PDE4D: variants seen among roughly 807,000 people sequenced by gnomAD.
PDE4D encodes 3',5'-cyclic-AMP phosphodiesterase 4D.
Under a neutral mutation model 87.4 loss-of-function variants are expected in PDE4D, and 24 were observed. That is an observed-to-expected ratio of 0.27 (90% CI 0.20 to 0.39). The LOEUF is 0.39. Among genes scored for constraint, PDE4D ranks in the 10% least tolerant of loss-of-function variants. The probability of loss-of-function intolerance (pLI) is 1.00; values close to 1 mark genes in which losing one functional copy is unlikely to be tolerated. For missense variants in PDE4D, 714 were observed against 1,041.0 expected, an observed-to-expected ratio of 0.69 and a Z score of 4.32; for synonymous variants, 384 against 383.2, an observed-to-expected ratio of 1.00 and a Z score of -0.02.
intron 1 of PDE4D, among the ~76,000 whole-genome samples, chr5:60,401,419 G>A (rs1741072643): frequency 6.6e-6 from 1 of 152,196 alleles, no homozygotes; most frequent in Non-Finnish European, 1.5e-5. Flanking sequence ...TCTTTCTTCA[G>A]TCTACTCAAT....
intron 1 of PDE4D, among the ~76,000 whole-genome samples, chr5:60,473,523 A>T (rs531346419): frequency 6.6e-5 from 10 of 152,318 alleles, no homozygotes; most frequent in African/African-American, 2.2e-4. Context: ...ACAATTGGTA[A>T]ATTCAGATGA....
rs1020153691 is a variant in PDE4D at position 58,998,822 on chromosome 5, T to C, written c.922-5357A>G. Among the ~76,000 whole-genome samples the C allele has an allele frequency of 3.7e-4, 56 of 152,150 alleles. 1 individual carries two copies. Among genetic ancestry groups the C allele is most frequent in the Admixed American group, 3.6e-3 (55 of 15,272 alleles). On this transcript the variant is annotated intron_variant, in intron 6 of 14. Coordinates refer to ENST00000340635, the MANE Select transcript of PDE4D (RefSeq NM_001104631.2). Reference sequence around the variant, plus strand: ...ATAAGGTTTTTCTACCTCCTTCTATTGTGGAGACAGGATCACAATGCTAAT... The same window carrying C: ...ATAAGGTTTTTCTACCTCCTTCTATCGTGGAGACAGGATCACAATGCTAAT...
chr5:59,629,152 G>A (rs936554335), intron 1 of PDE4D, among the ~76,000 whole-genome samples: 11 of 152,102 alleles, frequency 7.2e-5, no homozygotes, highest in African/African-American at 2.7e-4. Flanking sequence ...TTTTGGTGGG[G>A]ACACAGCCAA....
intron 3 of PDE4D, among the ~76,000 whole-genome samples, chr5:59,956,909 A>C (rs764629549): frequency 1.3e-5 from 2 of 152,202 alleles, no homozygotes; most frequent in Non-Finnish European, 2.9e-5. Context: ...ATTGCATTAT[A>C]AAAGTCAATT....
chr5:59,967,523 G>C (rs1760179749), intron 3 of PDE4D, among the ~76,000 whole-genome samples: 1 of 152,112 alleles, frequency 6.6e-6, no homozygotes, highest in Non-Finnish European at 1.5e-5. Flanking sequence ...CTAATCATCA[G>C]AGAAATGCAA....
intron 6 of PDE4D, among the ~76,000 whole-genome samples, chr5:59,016,953 C>T (rs1202933492): frequency 6.6e-5 from 10 of 152,148 alleles, no homozygotes; most frequent in Non-Finnish European, 1.5e-5. Context: ...AGGGTAACAT[C>T]GTACATTGAT....
At chr5:59,461,019 A>G (rs1409519756) in intron 1 of PDE4D, among the ~76,000 whole-genome samples, 1 of 152,120 alleles carries the variant, frequency 6.6e-6, no homozygotes, top group Non-Finnish European at 1.5e-5. Context: ...GGCAGGATGG[A>G]GAGGATGTTA....
intron 1 of PDE4D, among the ~76,000 whole-genome samples, chr5:60,264,925 G>T (rs555795901): frequency 2.5e-4 from 38 of 152,294 alleles, no homozygotes; most frequent in African/African-American, 9.1e-4. Context: ...TATTTATCAA[G>T]TGCCAGGGAA....
At chr5:59,113,177 C>CA (rs1352313373) in intron 5 of PDE4D, among the ~76,000 whole-genome samples, 1 of 152,092 alleles carries the variant, frequency 6.6e-6, no homozygotes, top group Non-Finnish European at 1.5e-5. Context: ...CCCAGTGATA[C>CA]AACAGATACA....
intron 1 of PDE4D, among the ~76,000 whole-genome samples, chr5:59,612,245 G>GTTTT (rs1829107445): frequency 6.7e-6 from 1 of 149,298 alleles, no homozygotes; most frequent in African/African-American, 2.5e-5. Flanking sequence ...TTTTTTGTTT[G>GTTTT]TTTGTTTGTT....
At chr5:59,638,227 T>A (rs1020039737) in intron 1 of PDE4D, among the ~76,000 whole-genome samples, 13 of 152,080 alleles carry the variant, frequency 8.5e-5, no homozygotes, top group African/African-American at 3.1e-4. Flanking sequence ...TGGGTTATCA[T>A]AAAGCAAAAA....
chr5:59,545,742 C>T (rs577476844), intron 1 of PDE4D, among the ~76,000 whole-genome samples: 1 of 152,116 alleles, frequency 6.6e-6, no homozygotes, highest in East Asian at 1.9e-4. Context: ...TAGTTTGCCC[C>T]TACTGTAAAA....
At chr5:60,374,087 T>C (rs979892772) in intron 1 of PDE4D, among the ~76,000 whole-genome samples, 3 of 152,186 alleles carry the variant, frequency 2.0e-5, no homozygotes, top group African/African-American at 7.2e-5. Context: ...CTCAACACTG[T>C]CACCAAGCCT....
At chr5:60,263,892 G>GA (rs1480715636) in intron 1 of PDE4D, among the ~76,000 whole-genome samples, 1 of 149,542 alleles carries the variant, frequency 6.7e-6, no homozygotes, top group Non-Finnish European at 1.5e-5. Flanking sequence ...CACTACATGT[G>GA]AAAAAATAAT....
chr5:60,494,623 G>A (rs1274263418), intron 1 of PDE4D, among the ~76,000 whole-genome samples: 1 of 152,158 alleles, frequency 6.6e-6, no homozygotes, highest in Non-Finnish European at 1.5e-5. Context: ...CCCACAAAGG[G>A]GCCTAACCTC....
At chr5:60,443,738 C>T (rs1029167977) in intron 1 of PDE4D, among the ~76,000 whole-genome samples, 1 of 152,168 alleles carries the variant, frequency 6.6e-6, no homozygotes, top group African/African-American at 2.4e-5. Context: ...AGTGATGCTA[C>T]TTTCTCCAGC....
intron 1 of PDE4D, among the ~76,000 whole-genome samples, chr5:59,311,594 G>A (rs1772663100): frequency 6.7e-6 from 1 of 150,134 alleles, no homozygotes; most frequent in African/African-American, 2.5e-5. Flanking sequence ...GTTCTGTCTT[G>A]CAGATAGATA....
chr5:59,984,446 C>A (rs1040847507), intron 3 of PDE4D, among the ~76,000 whole-genome samples: 1 of 152,166 alleles, frequency 6.6e-6, no homozygotes, highest in Non-Finnish European at 1.5e-5. Flanking sequence ...CATCCCAGGT[C>A]TTAATAATTC....
chr5:59,525,498 C>T (rs540616663), intron 1 of PDE4D, among the ~76,000 whole-genome samples: 2 of 152,328 alleles, frequency 1.3e-5, no homozygotes, highest in Admixed American at 6.5e-5. Context: ...AGGGACTTGC[C>T]TTGTCTCAGT....
Sources: allele counts gnomAD v4.1 joint callset (sites outside exome capture counted in the v4.1 genomes callset), GRCh38; gene constraint gnomAD v4.1.1; transcripts MANE v1.5; gene names NCBI Gene and HGNC (gene_info 2026-07-23, HGNC 2026-07-21).